The following GPATCH2 variants were observed in gnomAD, a reference collection of about 807,000 sequenced individuals.
The protein encoded by GPATCH2 is G-patch domain containing 2, also known as G patch domain-containing protein 2.
Under a neutral mutation model 58.0 loss-of-function variants are expected in GPATCH2, and 51 were observed. That is an observed-to-expected ratio of 0.88 (90% CI 0.70 to 1.11). GPATCH2 has a LOEUF of 1.11. Ranked by LOEUF, GPATCH2 falls within the 50% of genes most tolerant of loss-of-function variation. GPATCH2 has a pLI of 0.00. For missense variants in GPATCH2, 625 were observed against 652.2 expected (o/e 0.96, Z 0.45); for synonymous variants, 222 against 218.5 (o/e 1.02, Z -0.14).
intron 5 of GPATCH2, among the ~76,000 whole-genome samples, chr1:217,525,821 G>C (rs995774746): frequency 1.3e-5 from 2 of 151,850 alleles, no homozygotes; most frequent in Non-Finnish European, 2.9e-5. Context: ...ATAGCTTTTT[G>C]AAAAAAATTC....
intron 8 of GPATCH2, among the ~76,000 whole-genome samples, chr1:217,454,458 G>A (rs1276193480): frequency 1.3e-5 from 2 of 151,580 alleles, no homozygotes; most frequent in Non-Finnish European, 2.9e-5. Context: ...GCGTGGTGGT[G>A]GGCGCCTGTA....
At chr1:217,468,076 A>AG (rs1660544129) in intron 8 of GPATCH2, among the ~76,000 whole-genome samples, 1 of 152,176 alleles carries the variant, frequency 6.6e-6, no homozygotes, top group Non-Finnish European at 1.5e-5. Context: ...GCATATAATA[A>AG]GGGGAAAGAA....
At chr1:217,438,694 C>T (rs966930521) in intron 9 of GPATCH2, among the ~76,000 whole-genome samples, 6 of 152,158 alleles carry the variant, frequency 3.9e-5, no homozygotes, top group Middle Eastern at 6.8e-3. Flanking sequence ...AATGAACAAA[C>T]CTCCAAGAAA....
chr1:217,630,744 C>T (rs1464151476), intron 1 of GPATCH2, among the ~76,000 whole-genome samples, 172 bp downstream of exon 1: 2 of 152,226 alleles, frequency 1.3e-5, no homozygotes, highest in Non-Finnish European at 2.9e-5. Flanking sequence ...TTGGCACACA[C>T]CCAAGAGCTC....
chr1:217,436,754 C>G (rs112028692), intron 9 of GPATCH2, among the ~76,000 whole-genome samples: 7 of 152,174 alleles, frequency 4.6e-5, no homozygotes, highest in African/African-American at 1.7e-4. Flanking sequence ...TTATTGGCCC[C>G]ATTTTGTAGA....
At chr1:217,489,911 T>A (rs994822437) in intron 8 of GPATCH2, among the ~76,000 whole-genome samples, 16 of 152,204 alleles carry the variant, frequency 1.1e-4, no homozygotes, top group African/African-American at 3.9e-4. Context: ...GAAATTTTTT[T>A]TAAAAAGTCC....
intron 8 of GPATCH2, among the ~76,000 whole-genome samples, chr1:217,465,907 C>A (rs1414725337): frequency 6.6e-6 from 1 of 152,184 alleles, no homozygotes; most frequent in African/African-American, 2.4e-5. Flanking sequence ...GGAAAATGCA[C>A]ATTGAGCATC....
intron 9 of GPATCH2, among the ~76,000 whole-genome samples, chr1:217,433,704 T>C (rs979135595): frequency 6.6e-6 from 1 of 152,162 alleles, no homozygotes; most frequent in Non-Finnish European, 1.5e-5. Flanking sequence ...ACTGTACATA[T>C]ACATTTTTAA....
At chr1:217,492,052 G>A (rs2102534194) in intron 7 of GPATCH2, among the ~76,000 whole-genome samples, 1 of 152,180 alleles carries the variant, frequency 6.6e-6, no homozygotes, top group East Asian at 1.9e-4. Flanking sequence ...CTCTTAGTCA[G>A]TTAAGATGTA....
intron 5 of GPATCH2, among the ~76,000 whole-genome samples, chr1:217,515,141 A>G (rs1357482198): frequency 3.3e-5 from 5 of 150,312 alleles, no homozygotes; most frequent in African/African-American, 1.2e-4. Flanking sequence ...TGTCCCACAG[A>G]CTGGAGTGCA....
At chr1:217,566,870 T>G (rs1483503217) in intron 5 of GPATCH2, among the ~76,000 whole-genome samples, 2 of 152,164 alleles carry the variant, frequency 1.3e-5, no homozygotes. Flanking sequence ...CTTAACAAAC[T>G]TCACAATTTT....
intron 2 of GPATCH2, among the ~76,000 whole-genome samples, chr1:217,614,485 G>C (rs1301061186): frequency 2.0e-5 from 3 of 151,948 alleles, no homozygotes; most frequent in Admixed American, 2.0e-4. Flanking sequence ...ATTTTATCAT[G>C]TACTTTCATC....
In GPATCH2 at chr1:217,514,854, C is replaced by T; in HGVS notation, c.1134G>A (p.Met378Ile). The change falls in exon 6 of 10, where the codon ATG becomes ATA. Residue 378 changes from methionine to isoleucine, a missense_variant. By Grantham distance (10) the Met-to-Ile change is conservative. Coordinates refer to ENST00000366935, the MANE Select transcript of GPATCH2 (RefSeq NM_018040.5). Reference sequence around the variant, plus strand: ...GATGAGAATCCGGGGAAAAATGAACCATTCTCTTGTTACCCACTGGGCCAG... The same window carrying T: ...GATGAGAATCCGGGGAAAAATGAACTATTCTCTTGTTACCCACTGGGCCAG... ...PIPGPVGNKR[M>I]VHFSPDSHHH... 1.3e-6 allele frequency: 2 copies of T among 1,539,380 alleles called. No individual in the cohort carries two copies. Among genetic ancestry groups the T allele is most frequent in the East Asian group, 4.5e-5 (2 of 44,470 alleles).
At chr1:217,524,679 C>T (rs920003416) in intron 5 of GPATCH2, among the ~76,000 whole-genome samples, 15 of 151,494 alleles carry the variant, frequency 9.9e-5, no homozygotes, top group East Asian at 2.0e-4. Context: ...GCCAACACAG[C>T]GAAACCCCGT....
chr1:217,542,292 C>T (rs1338359496), intron 5 of GPATCH2, among the ~76,000 whole-genome samples: 1 of 152,182 alleles, frequency 6.6e-6, no homozygotes, highest in African/African-American at 2.4e-5. Context: ...CTTCTCCCAT[C>T]CTTACGGTAG....
At chr1:217,462,586 C>T (rs369437012) in intron 8 of GPATCH2, among the ~76,000 whole-genome samples, 113 of 152,180 alleles carry the variant, frequency 7.4e-4, no homozygotes, top group African/African-American at 2.7e-3. Context: ...CTATTTCCTC[C>T]TATGTAAAAT....
At chr1:217,503,993 C>A (rs1326939004) in intron 6 of GPATCH2, among the ~76,000 whole-genome samples, 1 of 152,134 alleles carries the variant, frequency 6.6e-6, no homozygotes, top group East Asian at 1.9e-4. Flanking sequence ...CATAACTAAG[C>A]AGCAGAGCGG....
At chr1:217,444,632 G>C (rs977161685) in intron 9 of GPATCH2, among the ~76,000 whole-genome samples, 8 of 152,204 alleles carry the variant, frequency 5.3e-5, no homozygotes, top group Non-Finnish European at 1.0e-4. Flanking sequence ...CAACCGAAGA[G>C]TGGGCTGGTG....
intron 1 of GPATCH2, among the ~76,000 whole-genome samples, chr1:217,621,299 G>T (rs895820540): frequency 1.3e-5 from 2 of 152,162 alleles, no homozygotes; most frequent in Admixed American, 1.3e-4. Context: ...TTTTAAATTA[G>T]TTGGGGTGAC....
Sources: gnomAD v4.1 joint callset for allele counts (sites outside exome capture counted in the v4.1 genomes callset) on GRCh38, gnomAD v4.1.1 for gene constraint, MANE v1.5 for transcripts, NCBI Gene and HGNC (gene_info 2026-07-23, HGNC 2026-07-21) for gene names.